Variants in RFT1 observed in about 807,000 individuals in gnomAD.
RFT1 encodes RFT1 glycolipid translocator homolog, also known as man(5)GlcNAc(2)-PP-dolichol translocation protein RFT1.
Under a neutral mutation model 62.2 loss-of-function variants are expected in RFT1, and 43 were observed. The ratio of observed to expected loss-of-function variants is 0.69; its 90% CI spans 0.54 to 0.89. The LOEUF (loss-of-function observed/expected upper bound fraction) is 0.89, where lower values mean the gene tolerates loss of function less well. Among genes scored for constraint, RFT1 ranks in the 40% least tolerant of loss-of-function variants. The pLI is 0.00. For missense variants in RFT1, 605 were observed against 649.9 expected (o/e 0.93, Z 0.75); for synonymous variants, 262 against 264.6 (o/e 0.99, Z 0.10).
At chr3:53,097,826 C>G (rs909387504) in intron 11 of RFT1, among the ~76,000 whole-genome samples, 1 of 152,150 alleles carries the variant, frequency 6.6e-6, no homozygotes, top group Non-Finnish European at 1.5e-5. Flanking sequence ...ATTTTCAAAG[C>G]TAAATTGAAA....
intron 10 of RFT1, among the ~76,000 whole-genome samples, chr3:53,102,645 G>C (rs1438822463): frequency 1.3e-5 from 2 of 152,180 alleles, no homozygotes; most frequent in Non-Finnish European, 2.9e-5. Context: ...CCCAAACAAC[G>C]GAAGAGAAGC....
At chr3:53,103,768 C>T in intron 10 of RFT1, 185 bp downstream of exon 10, 1 of 724,774 alleles carries the variant, frequency 1.4e-6, no homozygotes. Context: ...CGCCAACGCC[C>T]CTGCCTATAC....
the RFT1 span, among the ~76,000 whole-genome samples, chr3:53,069,139 C>T: frequency 0.48 from 72,864 of 152,004 alleles, 19,443 homozygotes; most frequent in East Asian, 0.71. Context: ...GGGGTTTCAC[C>T]ATGTTGGCGA....
intron 9 of RFT1, among the ~76,000 whole-genome samples, chr3:53,104,659 C>T (rs1300250080): frequency 6.6e-6 from 1 of 152,230 alleles, no homozygotes; most frequent in East Asian, 1.9e-4. Context: ...CTAAATCAGA[C>T]TGAGTACCAG....
chr3:53,079,919 T>C, the RFT1 span, among the ~76,000 whole-genome samples: 1 of 145,966 alleles, frequency 6.9e-6, no homozygotes, highest in African/African-American at 2.8e-5. Context: ...ACATTGGCAA[T>C]TGGTGGGTGA....
At chr3:53,108,731 G>A (rs549851833) in intron 7 of RFT1, among the ~76,000 whole-genome samples, 4 of 145,836 alleles carry the variant, frequency 2.7e-5, no homozygotes, top group South Asian at 4.3e-4. Context: ...ACAGAGTTTC[G>A]CTCTTGTCGC....
chr3:53,122,560 G>C lies in RFT1; in HGVS notation c.270C>G (p.Val90=), dbSNP rs1489769898. 1 of 1,574,490 alleles carries C rather than the reference G, an allele frequency of 6.4e-7. No individual in the cohort carries two copies. The highest frequency in any genetic ancestry group is 1.3e-5 in the African/African-American group (1 of 74,090). ...ATAAGGACCAAAACACACCCAGGGG[G>C]ACTCTAGAAGAGGAGAAAAAAATAA... The part of the protein sequence containing the change: ...SQTLNLLWLT[V]PLGVFWSLFL... The change falls in exon 4 of 13, where the codon GTC becomes GTG. Residue 90 remains valine (V), a synonymous_variant. Coordinates refer to ENST00000296292, the MANE Select transcript of RFT1 (RefSeq NM_052859.4).
In RFT1 at chr3:53,092,364, C is replaced by A; in HGVS notation, c.1458+5G>T. The A allele has an allele frequency of 6.3e-7, 1 of 1,596,256 alleles. No individual in the cohort carries two copies. Among genetic ancestry groups the A allele is most frequent in the South Asian group, 1.1e-5 (1 of 88,058 alleles). On this transcript the variant is annotated splice_donor_5th_base_variant and intron_variant, in intron 12 of 12. Transcript: ENST00000296292. ...CATGTGGCATGATGGCTCAGGGAGT[C>A]TCACCTCCGAAACAGCAGTAACCCC...
At chr3:53,070,269 G>T in the RFT1 span, among the ~76,000 whole-genome samples, 1 of 152,196 alleles carries the variant, frequency 6.6e-6, no homozygotes, top group South Asian at 2.1e-4. Flanking sequence ...ATCAAAACAG[G>T]CTGGGTGCGG....
At chr3:53,099,264 T>C (rs923352804) in intron 11 of RFT1, 117 bp downstream of exon 11, 20 of 800,124 alleles carry the variant, frequency 2.5e-5, no homozygotes, top group Non-Finnish European at 4.3e-5. Flanking sequence ...GGACTAAGTG[T>C]TGCCTCTAAA....
intron 6 of RFT1, 60 bp downstream of exon 6, chr3:53,119,824 C>T: frequency 6.9e-7 from 1 of 1,448,136 alleles, no homozygotes. Flanking sequence ...CAGTTTCTTT[C>T]TCTCAAGGAT....
chr3:53,098,957 A>C (rs1281371491), intron 11 of RFT1, among the ~76,000 whole-genome samples: 5 of 152,062 alleles, frequency 3.3e-5, no homozygotes, highest in Non-Finnish European at 4.4e-5. Context: ...AATCCCTGAG[A>C]TTCTCAAAGA....
At chr3:53,105,418 C>T (rs1044526550) in intron 9 of RFT1, among the ~76,000 whole-genome samples, 3 of 145,500 alleles carry the variant, frequency 2.1e-5, no homozygotes, top group East Asian at 2.0e-4. Context: ...TATCCCCGCC[C>T]CCCCCCCCAA....
At chr3:53,112,011 C>T in intron 6 of RFT1, 103 bp from the exon 7 acceptor site, 1 of 856,650 alleles carries the variant, frequency 1.2e-6, no homozygotes, top group Non-Finnish European at 2.0e-6. Flanking sequence ...TAAATCCCAA[C>T]TTGGATAGTC....
intron 6 of RFT1, among the ~76,000 whole-genome samples, chr3:53,114,641 C>T (rs1373240411): frequency 6.6e-6 from 1 of 151,990 alleles, no homozygotes; most frequent in African/African-American, 2.4e-5. Flanking sequence ...TCAAAAGAGG[C>T]CTATTTCACA....
chr3:53,104,140 CT>C (rs1190022977), intron 9 of RFT1, 43 bp from the exon 10 acceptor site: 5 of 1,608,420 alleles, frequency 3.1e-6, no homozygotes, highest in Non-Finnish European at 4.3e-6. Flanking sequence ...GAATCATGAG[CT>C]GAAGAAAACC....
the RFT1 span, among the ~76,000 whole-genome samples, chr3:53,067,066 G>A: frequency 1.3e-5 from 2 of 152,230 alleles, no homozygotes; most frequent in African/African-American, 2.4e-5. Flanking sequence ...AGTGGCTCAC[G>A]CCTGTAATCC....
intron 11 of RFT1, among the ~76,000 whole-genome samples, chr3:53,097,924 C>G (rs1158176349): frequency 6.6e-6 from 1 of 152,192 alleles, no homozygotes; most frequent in Admixed American, 6.5e-5. Flanking sequence ...GAGGTGAAAA[C>G]CACATCTAGA....
intron 9 of RFT1, among the ~76,000 whole-genome samples, chr3:53,105,415 G>T (rs2581773): frequency 2.0e-4 from 2 of 10,038 alleles, no homozygotes; most frequent in Non-Finnish European, 6.4e-4. Context: ...CTCTATCCCC[G>T]CCCCCCCCCC....
Sources: allele counts gnomAD v4.1 joint callset (sites outside exome capture counted in the v4.1 genomes callset), GRCh38; gene constraint gnomAD v4.1.1; transcripts MANE v1.5; gene names NCBI Gene and HGNC (gene_info 2026-07-23, HGNC 2026-07-21).